The following NALF1 variants were observed in gnomAD, a reference collection of about 807,000 sequenced individuals.
The protein encoded by NALF1 is family with sequence similarity 155 member A.
In NALF1, 3 loss-of-function variants were observed where a neutral mutation model predicts 48.4. That is an observed-to-expected ratio of 0.06 (90% CI 0.03 to 0.16). The LOEUF (loss-of-function observed/expected upper bound fraction) is 0.16, where lower values mean the gene tolerates loss of function less well. Among genes scored for constraint, NALF1 ranks in the 10% least tolerant of loss-of-function variants. The pLI, the probability that NALF1 is intolerant of heterozygous loss-of-function variation, is 1.00. For synonymous variants in NALF1, 262 were observed against 245.7 expected (o/e 1.07, Z -0.62); for missense variants, 526 against 571.5 (o/e 0.92, Z 0.81).
rs117259718 is a variant in NALF1 at position 107,800,244 on chromosome 13, T to G, written c.915+65438A>C. On this transcript the variant is annotated intron_variant, in intron 1 of 2. Transcript: ENST00000375915. ...GCACTTTGCCTGGCTGTCGTGAACA[T>G]GAAAATTAAAGACTGAGCAAAGCAG... is the stretch of plus-strand genomic sequence containing the variant. Among the ~76,000 whole-genome samples the G allele has an allele frequency of 6.8e-3, 1,039 of 152,276 alleles. 6 individuals are homozygous for G. Among genetic ancestry groups the G allele is most frequent in the Admixed American group, 9.9e-3 (151 of 15,290 alleles).
At chr13:107,440,593 T>C (rs1346057171) in intron 1 of NALF1, among the ~76,000 whole-genome samples, 3 of 152,168 alleles carry the variant, frequency 2.0e-5, no homozygotes, top group African/African-American at 2.4e-5. Flanking sequence ...AGTAGATCGA[T>C]TGTTGAAGCC....
chr13:107,563,625 G>A (rs1426679272), intron 1 of NALF1, among the ~76,000 whole-genome samples: 2 of 152,162 alleles, frequency 1.3e-5, no homozygotes, highest in Non-Finnish European at 1.5e-5. Context: ...TTCCCACAAA[G>A]CACTAGTGTC....
intron 1 of NALF1, among the ~76,000 whole-genome samples, chr13:107,264,296 C>T (rs921922135): frequency 2.0e-5 from 3 of 152,100 alleles, no homozygotes; most frequent in African/African-American, 7.2e-5. Context: ...GGTTTATATA[C>T]AGAAATGATT....
chr13:107,259,414 T>G (rs748678433), intron 1 of NALF1, among the ~76,000 whole-genome samples: 6 of 152,298 alleles, frequency 3.9e-5, no homozygotes, highest in Non-Finnish European at 7.3e-5. Flanking sequence ...GTGTACAATG[T>G]CCTCAAGATC....
intron 1 of NALF1, among the ~76,000 whole-genome samples, chr13:107,858,951 C>A (rs898732382): frequency 6.6e-6 from 1 of 152,130 alleles, no homozygotes; most frequent in Non-Finnish European, 1.5e-5. Context: ...GTCTATTTAA[C>A]GTCTTAGTTC....
rs34705065 is a variant in NALF1 at position 107,851,341 on chromosome 13, GTT to G, written c.915+14339_915+14340del. On this transcript the variant is annotated intron_variant, in intron 1 of 2. Coordinates refer to ENST00000375915, the MANE Select transcript of NALF1 (RefSeq NM_001080396.3). The stretch of plus-strand genomic sequence containing the variant: ...ATCTGGAAAAGTTCACAGATGAACA[GTT>G]TTTTTTTTTTTTCTTTAAGTGGCCA... Among the ~76,000 whole-genome samples the G allele has an allele frequency of 2.1e-5, 3 of 143,500 alleles. No homozygotes were observed. The East Asian group carries it at 6.1e-4, about 29-fold the overall frequency. The allele number at this position is 143,500 out of a possible 152,430, so 94.1% of individuals were successfully genotyped here.
At chr13:107,667,426 C>T (rs942122345) in intron 1 of NALF1, among the ~76,000 whole-genome samples, 12 of 151,946 alleles carry the variant, frequency 7.9e-5, no homozygotes, top group Non-Finnish European at 1.0e-4. Flanking sequence ...GGAAAAGAGG[C>T]CCCCAAATCA....
Position 107,825,778 on chromosome 13 carries a change from CTTGT to C in NALF1, c.915+39900_915+39903del, listed in dbSNP as rs200563251. Among the ~76,000 whole-genome samples, 82 of 152,074 alleles carry C rather than the reference CTTGT, an allele frequency of 5.4e-4. 1 individual carries two copies. The East Asian group carries it at 0.013, about 25-fold the overall frequency. The stretch of plus-strand genomic sequence containing the variant: ...ATTTTGACTATAACTAGTACTATTT[CTTGT>C]TTGTTTGTTTGTTTTTGTGAGGCAG... On this transcript the variant is annotated intron_variant, in intron 1 of 2. Transcript: ENST00000375915.
chr13:107,271,801 TATATA>T lies in NALF1; in HGVS notation c.916-61051_916-61047del, dbSNP rs1566470721. 1.1e-3 allele frequency among the ~76,000 whole-genome samples: 114 copies of T among 102,334 alleles called. 2 individuals are homozygous for T. Among genetic ancestry groups the T allele is most frequent in the South Asian group, 7.8e-3 (30 of 3,844 alleles). The allele number at this position is 102,334 out of a possible 152,430, so 67.1% of individuals were successfully genotyped here. A position where few individuals can be genotyped will look rare whatever the true frequency, so the allele number is the denominator to read the frequency against. ...ATATATATATATATATATATATATA[TATATA>T]TATATATATATTTATATATTTATAT... On this transcript the variant is annotated intron_variant, in intron 1 of 2. Coordinates refer to ENST00000375915, the MANE Select transcript of NALF1 (RefSeq NM_001080396.3).
chr13:107,841,177 A>G (rs775012272), intron 1 of NALF1, among the ~76,000 whole-genome samples: 5 of 152,192 alleles, frequency 3.3e-5, no homozygotes, highest in Non-Finnish European at 7.3e-5. Flanking sequence ...TCATGCAATT[A>G]CACTTATGCA....
rs1264530278 is a variant in NALF1 at position 107,200,609 on chromosome 13, GA to G, written c.1087+9974del. On this transcript the variant is annotated intron_variant, in intron 2 of 2. Coordinates refer to ENST00000375915, the MANE Select transcript of NALF1 (RefSeq NM_001080396.3). ...TACAGCAACAAAAATATGCCTTGCA[GA>G]ACTGCATTTAATAACAGATGGCTAG... Among the ~76,000 whole-genome samples, 5 of 152,290 alleles carry G rather than the reference GA, an allele frequency of 3.3e-5. No homozygotes were observed. In the East Asian group the frequency reaches 5.8e-4, roughly 18 times the overall value.
At chr13:107,440,449 T>C (rs1390007974) in intron 1 of NALF1, among the ~76,000 whole-genome samples, 3 of 152,174 alleles carry the variant, frequency 2.0e-5, no homozygotes, top group African/African-American at 7.2e-5. Context: ...ATTCAACAAA[T>C]AGTTACTTAG....
At chr13:107,427,562 A>T (rs76783082) in intron 1 of NALF1, among the ~76,000 whole-genome samples, 10,906 of 152,170 alleles carry the variant, frequency 0.072, 1,264 homozygotes, top group African/African-American at 0.25. Context: ...TTAACTTTTC[A>T]TGGGAAGAAA....
chr13:107,666,140 G>T (rs1880853346), intron 1 of NALF1, among the ~76,000 whole-genome samples: 1 of 152,118 alleles, frequency 6.6e-6, no homozygotes. Flanking sequence ...ACTCTGTGGT[G>T]AAGTTTTTCT....
intron 1 of NALF1, among the ~76,000 whole-genome samples, chr13:107,484,482 G>A (rs1251863733): frequency 6.6e-6 from 1 of 152,084 alleles, no homozygotes; most frequent in Non-Finnish European, 1.5e-5. Flanking sequence ...TGAAGTGAGA[G>A]GGACTTTCTT....
At position 107,169,799 on chromosome 13, in the gene NALF1, CCACCAAGCGTGCA is replaced by C. The variant is rs1326715099; in HGVS notation, c.*685_*697del. ...GTTTGTGCAACAGGGGCTCAGAGGC[CCACCAAGCGTGCA>C]CACCCATTCACTGTGGTTACACAGA... On this transcript the variant is annotated 3_prime_UTR_variant, in exon 3 of 3. Transcript: ENST00000375915. 1 of 152,570 alleles carries C rather than the reference CCACCAAGCGTGCA, an allele frequency of 6.6e-6. No individual in the cohort carries two copies. Among genetic ancestry groups the C allele is most frequent in the African/African-American group, 2.4e-5 (1 of 41,398 alleles). The allele number at this position is 152,570 out of a possible 1,614,324, so 9.5% of individuals were successfully genotyped here. A position where few individuals can be genotyped will look rare whatever the true frequency, so the allele number is the denominator to read the frequency against.
intron 1 of NALF1, among the ~76,000 whole-genome samples, chr13:107,376,504 C>T (rs1274021054): frequency 6.6e-6 from 1 of 152,134 alleles, no homozygotes; most frequent in East Asian, 1.9e-4. Flanking sequence ...TGAATAAACT[C>T]AATGAGTAAC....
chr13:107,765,771 GCTA>G (rs1877401786), intron 1 of NALF1, among the ~76,000 whole-genome samples: 1 of 152,054 alleles, frequency 6.6e-6, no homozygotes, highest in Non-Finnish European at 1.5e-5. Context: ...GTTTATTTAA[GCTA>G]CTAAGTAAAT....
At chr13:107,515,402 A>G (rs1261676722) in intron 1 of NALF1, among the ~76,000 whole-genome samples, 1 of 152,212 alleles carries the variant, frequency 6.6e-6, no homozygotes, top group Non-Finnish European at 1.5e-5. Context: ...GTTAGACACC[A>G]TGCAAAGTTC....
Sources: allele counts gnomAD v4.1 joint callset (sites outside exome capture counted in the v4.1 genomes callset), GRCh38; gene constraint gnomAD v4.1.1; transcripts MANE v1.5; gene names NCBI Gene and HGNC (gene_info 2026-07-23, HGNC 2026-07-21).